MRS2: variants seen among roughly 807,000 people sequenced by gnomAD.
The protein encoded by MRS2 is magnesium transporter MRS2.
Under a neutral mutation model 52.6 loss-of-function variants are expected in MRS2, and 40 were observed. The ratio of observed to expected loss-of-function variants is 0.76; its 90% CI spans 0.59 to 0.99. MRS2 has a LOEUF of 0.99. Among genes scored for constraint, MRS2 ranks in the 50% least tolerant of loss-of-function variants. MRS2 has a pLI of 0.00. For missense variants in MRS2, 472 were observed against 532.7 expected (o/e 0.89, Z 1.12); for synonymous variants, 193 against 195.9 (o/e 0.98, Z 0.13).
chr6:24,408,078 G>GCAGT (rs149727906), intron 2 of MRS2, among the ~76,000 whole-genome samples: 1,730 of 152,236 alleles, frequency 0.011, 15 homozygotes, highest in South Asian at 0.046. Context: ...CCAGTCCAGT[G>GCAGT]CAGTCTACCA....
At chr6:24,412,820 G>A (rs1020449254) in intron 5 of MRS2, among the ~76,000 whole-genome samples, 2 of 152,110 alleles carry the variant, frequency 1.3e-5, no homozygotes, top group African/African-American at 4.8e-5. Flanking sequence ...CTAAACAAGG[G>A]TGGTTCTCTG....
At chr6:24,422,794 GC>G in intron 9 of MRS2, 142 bp from the exon 10 acceptor site, 1 of 504,338 alleles carries the variant, frequency 2.0e-6, no homozygotes, top group Non-Finnish European at 3.6e-6. Context: ...TGCTATCAAG[GC>G]CCTTGTTTTT....
At chr6:24,410,065 C>T (rs780244479) in intron 4 of MRS2, among the ~76,000 whole-genome samples, 2 of 152,126 alleles carry the variant, frequency 1.3e-5, no homozygotes, top group Non-Finnish European at 2.9e-5. Flanking sequence ...CTGCAACCTC[C>T]ACCTCCCAGG....
chr6:24,413,838 T>C (rs1761749765), intron 5 of MRS2, among the ~76,000 whole-genome samples: 1 of 152,252 alleles, frequency 6.6e-6, no homozygotes, highest in Non-Finnish European at 1.5e-5. Flanking sequence ...TATATGCTAT[T>C]TGCCAACTGG....
At chr6:24,412,792 T>A (rs1310004638) in intron 5 of MRS2, among the ~76,000 whole-genome samples, 1 of 152,332 alleles carries the variant, frequency 6.6e-6, no homozygotes, top group Non-Finnish European at 1.5e-5. Context: ...CTTAGATGTC[T>A]GAGACTCCTG....
Position 24,415,109 on chromosome 6 carries a change from A to G in MRS2, c.665A>G (p.Lys222Arg), listed in dbSNP as rs751352570. Reference protein sequence around the residue: ...LETLDALVDPKHSSVDRSKLH... With the variant: ...LETLDALVDPRHSSVDRSKLH... ...ACCTTGGATGCTTTGGTGGACCCCA[A>G]ACATTCTTCTGTAGACAGAAGCAAA... is the stretch of plus-strand genomic sequence containing the variant. Residue 222 changes from lysine (K) to arginine (R), a missense_variant, in exon 6 of 11, where the codon AAA becomes AGA. Coordinates refer to ENST00000378386, the MANE Select transcript of MRS2 (RefSeq NM_020662.4). 5.6e-6 allele frequency: 9 copies of G among 1,611,530 alleles called. No homozygotes were observed. Among genetic ancestry groups the G allele is most frequent in the South Asian group, 1.1e-5 (1 of 90,708 alleles).
chr6:24,425,368 T>G lies in MRS2; in HGVS notation c.*1674T>G, dbSNP rs557624290. ...AGTTTTATTGACTTAGTTTATGAGC[T>G]TGGATAAAATAATTTTTTGATGAAT... On this transcript the variant is annotated 3_prime_UTR_variant, in exon 11 of 11. Transcript: ENST00000378386. The G allele has an allele frequency of 2.0e-5, 3 of 152,308 alleles. No individual in the cohort carries two copies. In the South Asian group the frequency reaches 6.2e-4, roughly 32 times the overall value. 9.4% of individuals were successfully genotyped at this position (152,308 alleles called of 1,614,324 possible).
intron 4 of MRS2, among the ~76,000 whole-genome samples, chr6:24,411,029 A>G (rs1761631171): frequency 6.6e-6 from 1 of 152,026 alleles, no homozygotes; most frequent in Admixed American, 6.6e-5. Flanking sequence ...TCTCTACTAA[A>G]AAATACAAAA....
Position 24,412,401 on chromosome 6 carries a change from T to A in MRS2, c.588+6T>A, listed in dbSNP as rs929084197. On this transcript the variant is annotated splice_donor_region_variant and intron_variant, in intron 5 of 10. Coordinates refer to ENST00000378386, the MANE Select transcript of MRS2 (RefSeq NM_020662.4). ...AAGCACTCCTGCAATATTGGGTAAG[T>A]CTGTTTTTATTTAGCTTCTTGGGTT... The A allele has an allele frequency of 2.6e-6, 4 of 1,525,304 alleles. No individual in the cohort carries two copies. Among genetic ancestry groups the A allele is most frequent in the Non-Finnish European group, 3.5e-6 (4 of 1,137,324 alleles). The allele number at this position is 1,525,304 out of a possible 1,614,324, so 94.5% of individuals were successfully genotyped here.
chr6:24,405,101 G>A, intron 1 of MRS2, 67 bp from the exon 2 acceptor site: 1 of 1,124,064 alleles, frequency 8.9e-7, no homozygotes, highest in Non-Finnish European at 1.4e-6. Context: ...TACTTTGAGA[G>A]TTGTATTTTA....
rs1440533106 is a variant in MRS2, at chr6:24,422,999, G to A, written c.1170G>A (p.Arg390=). Residue 390 remains arginine, a synonymous_variant, in exon 10 of 11, where the codon AGG becomes AGA. Transcript: ENST00000378386. ...IMFMGSGLIW[R]RLLSFLGRQL... ...TCATGGGAAGTGGCCTCATCTGGAG[G>A]CGCCTGCTTTCATTCCTTGGACGAC... is the stretch of plus-strand genomic sequence containing the variant. 1 of 1,614,122 alleles carries A rather than the reference G, an allele frequency of 6.2e-7. No individual in the cohort carries two copies. Among genetic ancestry groups the A allele is most frequent in the South Asian group, 1.1e-5 (1 of 91,076 alleles).
chr6:24,418,046 G>T (rs1166504129), intron 7 of MRS2, 38 bp from the exon 8 acceptor site: 1 of 1,581,576 alleles, frequency 6.3e-7, no homozygotes, highest in Non-Finnish European at 8.6e-7. Flanking sequence ...TGATACACAT[G>T]TTGGGAGTAT....
chr6:24,416,645 G>A (rs1761859719), intron 7 of MRS2, 132 bp downstream of exon 7: 1 of 671,116 alleles, frequency 1.5e-6, no homozygotes, highest in Non-Finnish European at 2.7e-6. Flanking sequence ...TTCATCCCCA[G>A]TTTCCCTTTT....
In MRS2 at chr6:24,403,020, C is replaced by T; in HGVS notation, c.-27C>T. ...TCCGGCATGAAGGTCTGGGGTCTGG[C>T]TGCTGCCTGCTTCTTGCTCCAGCAC... On this transcript the variant is annotated 5_prime_UTR_variant, in exon 1 of 11. Coordinates refer to ENST00000378386, the MANE Select transcript of MRS2 (RefSeq NM_020662.4). The T allele has an allele frequency of 6.4e-7, 1 of 1,559,262 alleles. No individual in the cohort carries two copies. Among genetic ancestry groups the T allele is most frequent in the Non-Finnish European group, 8.7e-7 (1 of 1,154,690 alleles).
rs747627568 is a variant in MRS2, at chr6:24,418,160, G to A, written c.913G>A (p.Asp305Asn). The A allele has an allele frequency of 9.3e-6, 15 of 1,613,586 alleles. No homozygotes were observed. The South Asian group carries it at 1.3e-4, about 14-fold the overall frequency. Residue 305 changes from aspartate (D) to asparagine (N), a missense_variant, in exon 8 of 11, where the codon GAT becomes AAT. Transcript: ENST00000378386. ...GGAAAACTACTACCGATTGGCTGAC[G>A]ATCTCTCCAATGCAGCTCGTGAGCT... ...LLENYYRLAD[D>N]LSNAARELRV...
chr6:24,410,988 A>C (rs1761629516), intron 4 of MRS2, among the ~76,000 whole-genome samples: 1 of 152,160 alleles, frequency 6.6e-6, no homozygotes, highest in Admixed American at 6.5e-5. Flanking sequence ...CAGGAGTTCG[A>C]GACCAGCCTG....
intron 9 of MRS2, chr6:24,418,940 G>A: frequency 5.9e-6 from 1 of 168,684 alleles, no homozygotes; most frequent in Non-Finnish European, 1.3e-5. Context: ...ATTTTTAATG[G>A]ATTTAAAAAA....
chr6:24,403,195 G>T lies in MRS2; in HGVS notation c.149G>T (p.Arg50Leu). The change falls in exon 1 of 11, where the codon CGA (arginine) becomes CTA (leucine). Residue 50 changes from arginine to leucine, a missense_variant. By Grantham distance (102) the Arg-to-Leu change is moderately radical (BLOSUM62 -2). Coordinates refer to ENST00000378386, the MANE Select transcript of MRS2 (RefSeq NM_020662.4). ...CGAGCCAACCTGATTGGAAGGAGCCGAGCGGCGCAGCTTTGCGGGCCCGAC... is the reference window on the plus strand; with the variant it reads ...CGAGCCAACCTGATTGGAAGGAGCCTAGCGGCGCAGCTTTGCGGGCCCGAC... ...GRRANLIGRSRAAQLCGPDRL... is the reference protein window; with the variant it reads ...GRRANLIGRSLAAQLCGPDRL... 1.9e-6 allele frequency: 3 copies of T among 1,604,064 alleles called. No individual in the cohort carries two copies. The highest frequency in any genetic ancestry group is 2.5e-6 in the Non-Finnish European group (3 of 1,179,564).
At chr6:24,409,666 T>G in intron 4 of MRS2, 93 bp downstream of exon 4, 19 of 737,550 alleles carry the variant, frequency 2.6e-5, no homozygotes, top group Non-Finnish European at 3.3e-5. Flanking sequence ...TTAAAAGTAA[T>G]TTTGGAATAG....
Sources: allele counts gnomAD v4.1 joint callset (sites outside exome capture counted in the v4.1 genomes callset), GRCh38; gene constraint gnomAD v4.1.1; transcripts MANE v1.5; gene names NCBI Gene and HGNC (gene_info 2026-07-23, HGNC 2026-07-21).